Variants in NANS observed in about 807,000 individuals in gnomAD.
The protein encoded by NANS is N-acetylneuraminate-9-phosphate synthase.
Under a neutral mutation model 33.3 loss-of-function variants are expected in NANS, and 29 were observed. That is an observed-to-expected ratio of 0.87 (90% CI 0.65 to 1.19). The LOEUF is 1.19. Ranked by LOEUF, NANS falls within the 50% of genes most tolerant of loss-of-function variation. NANS has a pLI of 0.00. For synonymous variants in NANS, 163 were observed against 177.2 expected, an observed-to-expected ratio of 0.92 and a Z score of 0.64; for missense variants, 394 against 461.1, an observed-to-expected ratio of 0.85 and a Z score of 1.33.
At chr9:98,062,810 C>CA (rs1285084993) in intron 2 of NANS, among the ~76,000 whole-genome samples, 2 of 131,852 alleles carry the variant, frequency 1.5e-5, no homozygotes, top group Non-Finnish European at 3.2e-5. Context: ...GACAGAGTCT[C>CA]AAAAAAACTG....
In NANS at chr9:98,078,361, A is replaced by G; in HGVS notation, c.603+14A>G. The G allele has an allele frequency of 6.2e-7, 1 of 1,611,150 alleles. No homozygotes were observed. Among genetic ancestry groups the G allele is most frequent in the South Asian group, 1.1e-5 (1 of 90,840 alleles). ...CGGGTCATCTCGGTGAGCAGGAGGGAGGGGGTTCCCTTCTTGGGCCATTTA... is the reference window on the plus strand; with the variant it reads ...CGGGTCATCTCGGTGAGCAGGAGGGGGGGGGTTCCCTTCTTGGGCCATTTA... On this transcript the variant is annotated intron_variant, in intron 4 of 5. Coordinates refer to ENST00000210444, the MANE Select transcript of NANS (RefSeq NM_018946.4).
chr9:98,069,061 A>T (rs1413962615), intron 2 of NANS, among the ~76,000 whole-genome samples: 1 of 152,340 alleles, frequency 6.6e-6, no homozygotes, highest in South Asian at 2.1e-4. Flanking sequence ...TGTGTTTATC[A>T]TATGACCCAC....
chr9:98,064,317 G>A (rs936064409), intron 2 of NANS, among the ~76,000 whole-genome samples: 1 of 151,806 alleles, frequency 6.6e-6, no homozygotes, highest in African/African-American at 2.4e-5. Flanking sequence ...GCAATGGCAC[G>A]ATCTTGGCTC....
intron 2 of NANS, among the ~76,000 whole-genome samples, chr9:98,073,540 C>T (rs1372458323): frequency 6.6e-6 from 1 of 151,226 alleles, no homozygotes; most frequent in Non-Finnish European, 1.5e-5. Context: ...GCCACGGCCT[C>T]CCAAAGTGCT....
intron 2 of NANS, among the ~76,000 whole-genome samples, chr9:98,068,642 C>CCAT (rs1311176979): frequency 6.7e-6 from 1 of 148,868 alleles, no homozygotes; most frequent in Non-Finnish European, 1.5e-5. Flanking sequence ...TAGCAAGACC[C>CCAT]CATCTATTAA....
intron 1 of NANS, among the ~76,000 whole-genome samples, chr9:98,059,470 A>G (rs1407404762): frequency 6.6e-6 from 1 of 152,158 alleles, no homozygotes; most frequent in African/African-American, 2.4e-5. Flanking sequence ...GCTGGAGTGC[A>G]GTGGCACCAT....
chr9:98,065,257 A>G (rs1285181270), intron 2 of NANS, among the ~76,000 whole-genome samples: 2 of 149,200 alleles, frequency 1.3e-5, no homozygotes, highest in East Asian at 3.9e-4. Context: ...TACAATGTTT[A>G]GCTTCTGGTG....
At chr9:98,058,946 G>T (rs1394291692) in intron 1 of NANS, among the ~76,000 whole-genome samples, 1 of 152,122 alleles carries the variant, frequency 6.6e-6, no homozygotes, top group Non-Finnish European at 1.5e-5. Context: ...CCAGCATCAA[G>T]TCCTGACTCT....
chr9:98,076,446 C>G, intron 2 of NANS: 1 of 161,912 alleles, frequency 6.2e-6, no homozygotes, highest in Non-Finnish European at 1.3e-5. Context: ...ATGATCTCAG[C>G]TCACTGCAAC....
intron 5 of NANS, chr9:98,082,094 A>C (rs1468076967): frequency 1.3e-5 from 2 of 152,184 alleles, no homozygotes; most frequent in Non-Finnish European, 2.9e-5. Context: ...TAAAACACGT[A>C]ATTTATTTGA....
At chr9:98,069,959 C>G (rs1241694592) in intron 2 of NANS, among the ~76,000 whole-genome samples, 1 of 152,092 alleles carries the variant, frequency 6.6e-6, no homozygotes, top group African/African-American at 2.4e-5. Flanking sequence ...GTCATTCACC[C>G]AGTTGTGGTA....
intron 2 of NANS, among the ~76,000 whole-genome samples, chr9:98,070,787 G>A (rs1002630398): frequency 6.6e-6 from 1 of 150,438 alleles, no homozygotes; most frequent in Non-Finnish European, 1.5e-5. Context: ...AAATAAAAAA[G>A]ATCTGCAGAC....
At chr9:98,057,160 T>C (rs1828851716) in intron 1 of NANS, among the ~76,000 whole-genome samples, 1 of 152,362 alleles carries the variant, frequency 6.6e-6, no homozygotes, top group South Asian at 2.1e-4. Flanking sequence ...TAACCCGACC[T>C]GTTTCCTCCC....
chr9:98,077,159 C>T (rs78101672), intron 3 of NANS, 142 bp downstream of exon 3: 93 of 649,480 alleles, frequency 1.4e-4, no homozygotes, highest in East Asian at 1.4e-3. Flanking sequence ...GATAGGGTCT[C>T]GCTGTGTTGG....
At chr9:98,066,183 T>G (rs1210637000) in intron 2 of NANS, among the ~76,000 whole-genome samples, 1 of 152,194 alleles carries the variant, frequency 6.6e-6, no homozygotes, top group African/African-American at 2.4e-5. Flanking sequence ...CAGTGACAAT[T>G]AAAAACAATA....
At chr9:98,072,554 G>GCA in intron 2 of NANS, among the ~76,000 whole-genome samples, 1 of 152,058 alleles carries the variant, frequency 6.6e-6, no homozygotes, top group African/African-American at 2.4e-5. Flanking sequence ...GGGACTACAG[G>GCA]TGCCCGCTAC....
At chr9:98,081,118 G>A (rs748861337) in intron 5 of NANS, 36 bp downstream of exon 5, 15 of 1,608,960 alleles carry the variant, frequency 9.3e-6, no homozygotes, top group African/African-American at 4.0e-5. Context: ...TTCTGCTGCC[G>A]TGTGTGGAAA....
chr9:98,074,931 T>G (rs942614683), intron 2 of NANS: 4 of 152,162 alleles, frequency 2.6e-5, no homozygotes, highest in African/African-American at 9.7e-5. Context: ...AAAAATATAT[T>G]TAAAACTGAT....
chr9:98,060,708 G>T, intron 1 of NANS, 74 bp from the exon 2 acceptor site: 1 of 1,328,042 alleles, frequency 7.5e-7, no homozygotes. Flanking sequence ...ATGTCATAGT[G>T]GTTGCTCCAG....
Sources: gnomAD v4.1 joint callset for allele counts (sites outside exome capture counted in the v4.1 genomes callset) on GRCh38, gnomAD v4.1.1 for gene constraint, MANE v1.5 for transcripts, NCBI Gene and HGNC (gene_info 2026-07-23, HGNC 2026-07-21) for gene names.